Variants in DNAAF10 observed in about 807,000 individuals in gnomAD.
DNAAF10 encodes the protein WD repeat domain 92.
Under a neutral mutation model 43.7 loss-of-function variants are expected in DNAAF10, and 28 were observed. The observed-to-expected ratio is 0.64, with a 90% CI of 0.48 to 0.88. The LOEUF is 0.88. Among genes scored for constraint, DNAAF10 ranks in the 40% least tolerant of loss-of-function variants. DNAAF10 has a pLI of 0.00. For synonymous variants in DNAAF10, 156 were observed against 157.3 expected (o/e 0.99, Z 0.06); for missense variants, 403 against 439.1 (o/e 0.92, Z 0.73).
intron 7 of DNAAF10, among the ~76,000 whole-genome samples, chr2:68,133,180 A>C (rs1343589965): frequency 1.3e-5 from 2 of 152,138 alleles, no homozygotes; most frequent in Non-Finnish European, 2.9e-5. Flanking sequence ...AGAACGACTC[A>C]AACTTTTCCT....
intron 1 of DNAAF10, among the ~76,000 whole-genome samples, chr2:68,154,125 G>A (rs1673527328): frequency 1.3e-5 from 2 of 152,046 alleles, no homozygotes; most frequent in African/African-American, 2.4e-5. Context: ...TAGGAGAAAG[G>A]ACTCAACTTT....
intron 1 of DNAAF10, among the ~76,000 whole-genome samples, chr2:68,153,489 C>G (rs747961391): frequency 6.6e-6 from 1 of 151,832 alleles, no homozygotes; most frequent in Non-Finnish European, 1.5e-5. Context: ...CTCTGAGACT[C>G]ATTAAAATCA....
At chr2:68,140,239 C>T (rs1237708413) in intron 4 of DNAAF10, among the ~76,000 whole-genome samples, 1 of 152,132 alleles carries the variant, frequency 6.6e-6, no homozygotes, top group Non-Finnish European at 1.5e-5. Context: ...TTGCCCCTAA[C>T]TTCGTTTTTC....
intron 5 of DNAAF10, among the ~76,000 whole-genome samples, chr2:68,137,707 A>G (rs921125719): frequency 6.6e-6 from 1 of 151,482 alleles, no homozygotes; most frequent in African/African-American, 2.4e-5. Context: ...TCTCTACTAA[A>G]AATACAAAAA....
chr2:68,141,625 GA>G, intron 4 of DNAAF10, 68 bp downstream of exon 4: 1 of 1,434,666 alleles, frequency 7.0e-7, no homozygotes, highest in Non-Finnish European at 9.8e-7. Flanking sequence ...AGACTACTGT[GA>G]AATTTCTTGC....
intron 3 of DNAAF10, among the ~76,000 whole-genome samples, chr2:68,142,556 G>C (rs1673214539): frequency 6.6e-6 from 1 of 152,164 alleles, no homozygotes; most frequent in Non-Finnish European, 1.5e-5. Context: ...ACTGTGCCTG[G>C]CCTAGAATAC....
chr2:68,138,441 G>C (rs6723764), intron 5 of DNAAF10, among the ~76,000 whole-genome samples: 470 of 152,292 alleles, frequency 3.1e-3, no homozygotes, highest in Non-Finnish European at 5.2e-3. Context: ...GGCATAAAAA[G>C]ACCTTTTACT....
chr2:68,156,152 T>C (rs778943878), intron 1 of DNAAF10, among the ~76,000 whole-genome samples: 33 of 147,094 alleles, frequency 2.2e-4, no homozygotes, highest in Non-Finnish European at 3.7e-4. Context: ...AGCTAAGTGA[T>C]GAACAATACA....
intron 4 of DNAAF10, among the ~76,000 whole-genome samples, chr2:68,140,089 A>G (rs761581735): frequency 1.3e-5 from 2 of 152,206 alleles, no homozygotes; most frequent in Non-Finnish European, 2.9e-5. Context: ...TAAGTTTATA[A>G]TCTGTGGTTA....
At chr2:68,141,635 G>T in intron 4 of DNAAF10, 59 bp downstream of exon 4, 2 of 1,491,402 alleles carry the variant, frequency 1.3e-6, no homozygotes, top group Non-Finnish European at 1.9e-6. Context: ...GAAATTTCTT[G>T]CAGCATCGTG....
chr2:68,134,922 T>C (rs371422474), intron 6 of DNAAF10, 123 bp from the exon 7 acceptor site: 1 of 1,069,218 alleles, frequency 9.4e-7, no homozygotes, highest in South Asian at 1.5e-5. Flanking sequence ...TTAAGGTTAT[T>C]TTCTGGCACA....
chr2:68,136,816 T>C (rs1673054890), intron 6 of DNAAF10, among the ~76,000 whole-genome samples: 1 of 152,196 alleles, frequency 6.6e-6, no homozygotes, highest in Admixed American at 6.5e-5. Context: ...CAAGGCAAAG[T>C]TAAGTAAGTA....
At chr2:68,148,628 G>A (rs771659124) in intron 1 of DNAAF10, among the ~76,000 whole-genome samples, 3 of 151,948 alleles carry the variant, frequency 2.0e-5, no homozygotes, top group South Asian at 2.1e-4. Flanking sequence ...CGAGATCTCC[G>A]GAATCTGGAA....
At chr2:68,150,451 G>A (rs1673426300) in intron 1 of DNAAF10, among the ~76,000 whole-genome samples, 1 of 152,210 alleles carries the variant, frequency 6.6e-6, no homozygotes, top group Non-Finnish European at 1.5e-5. Flanking sequence ...AAAAAACTTG[G>A]ACTGTGTGCA....
chr2:68,141,792 G>A lies in DNAAF10; in HGVS notation c.419C>T (p.Thr140Ile), dbSNP rs1673187722. 6.2e-7 allele frequency: 1 copy of A among 1,613,942 alleles called. No homozygotes were observed. Among genetic ancestry groups the A allele is most frequent in the Non-Finnish European group, 8.5e-7 (1 of 1,179,876 alleles). ...PEIVTGSRDG[T>I]VKVWDPRQKD... ...TTGCCTTGGGTCCCACACCTTCACA[G>A]TTCCTGCCATGCATAAAAGTGAGTT... Residue 140 changes from threonine (T) to isoleucine (I), a missense_variant, in exon 4 of 8, where the codon ACT (threonine) becomes ATT (isoleucine). Transcript: ENST00000295121.
intron 1 of DNAAF10, among the ~76,000 whole-genome samples, chr2:68,155,663 G>A (rs1031434787): frequency 6.6e-6 from 1 of 151,940 alleles, no homozygotes; most frequent in East Asian, 1.9e-4. Context: ...ACTGCACTCC[G>A]GACTGGGACA....
At chr2:68,133,772 C>T (rs946579343) in intron 7 of DNAAF10, among the ~76,000 whole-genome samples, 1 of 151,986 alleles carries the variant, frequency 6.6e-6, no homozygotes, top group Non-Finnish European at 1.5e-5. Flanking sequence ...ATAAAGCATT[C>T]GATCTGCTTT....
intron 1 of DNAAF10, among the ~76,000 whole-genome samples, chr2:68,151,561 G>C (rs1027714723): frequency 6.6e-6 from 1 of 152,132 alleles, no homozygotes; most frequent in Admixed American, 6.5e-5. Flanking sequence ...TGAGAGCAGG[G>C]CCTTGCCTAA....
chr2:68,145,769 T>C (rs1673301561), intron 2 of DNAAF10, among the ~76,000 whole-genome samples: 1 of 152,208 alleles, frequency 6.6e-6, no homozygotes. Flanking sequence ...ATGGCTTGAC[T>C]AGGTGATCCT....
Sources: allele counts gnomAD v4.1 joint callset (sites outside exome capture counted in the v4.1 genomes callset), GRCh38; gene constraint gnomAD v4.1.1; transcripts MANE v1.5; gene names NCBI Gene and HGNC (gene_info 2026-07-23, HGNC 2026-07-21).